The following AFF1 variants were observed in gnomAD, a reference collection of about 807,000 sequenced individuals.
AFF1 encodes ALF transcription elongation factor 1, also known as AF4/FMR2 family member 1.
In AFF1, 48 loss-of-function variants were observed where a neutral mutation model predicts 121.7. The observed-to-expected ratio is 0.39, with a 90% confidence interval of 0.31 to 0.50. The LOEUF is 0.50. AFF1 is among the 20% of genes least tolerant of loss of function. The pLI is 0.76. For synonymous variants in AFF1, 613 were observed against 563.0 expected, an observed-to-expected ratio of 1.09 and a Z score of -1.26; for missense variants, 1,523 against 1,511.7, an observed-to-expected ratio of 1.01 and a Z score of -0.12.
rs79575465 is a variant in AFF1, at chr4:87,118,927, T to C, written c.2466+3628T>C. ...CAGGAACACTGGTTCTTCTGGGGTTTATATGCCTTCTAGAGGTTTCCCATT... is the reference window on the plus strand; with the variant it reads ...CAGGAACACTGGTTCTTCTGGGGTTCATATGCCTTCTAGAGGTTTCCCATT... On this transcript the variant is annotated intron_variant, in intron 12 of 20. Coordinates refer to ENST00000395146, the MANE Select transcript of AFF1 (RefSeq NM_001166693.3). Among the ~76,000 whole-genome samples, 9 of 152,336 alleles carry C rather than the reference T, an allele frequency of 5.9e-5. No individual in the cohort carries two copies. The East Asian group carries it at 1.7e-3, about 29-fold the overall frequency.
chr4:87,134,661 G>C lies in AFF1; in HGVS notation c.3502G>C (p.Glu1168Gln). The C allele has an allele frequency of 6.2e-7, 1 of 1,614,088 alleles. No individual in the cohort carries two copies. Among genetic ancestry groups the C allele is most frequent in the Non-Finnish European group, 8.5e-7 (1 of 1,180,002 alleles). Residue 1168 changes from glutamate to glutamine, a missense_variant, in exon 20 of 21, where the codon GAA becomes CAA. Coordinates refer to ENST00000395146, the MANE Select transcript of AFF1 (RefSeq NM_001166693.3). The stretch of plus-strand genomic sequence containing the variant: ...TGTTCTTACCGCCTTTGACCTTTGG[G>C]AACAGGCCGAGGCCCTCACGAGGAA... ...SHVLTAFDLW[E>Q]QAEALTRKNK...
chr4:87,007,947 A>G (rs978143345), intron 2 of AFF1, among the ~76,000 whole-genome samples: 1 of 152,184 alleles, frequency 6.6e-6, no homozygotes, highest in Admixed American at 6.5e-5. Context: ...CTGAGTAGGC[A>G]AAGACCGGGA....
chr4:87,093,469 A>T (rs933049125), intron 7 of AFF1, among the ~76,000 whole-genome samples: 1 of 152,174 alleles, frequency 6.6e-6, no homozygotes, highest in African/African-American at 2.4e-5. Flanking sequence ...TCAACACTTG[A>T]TCTTATGGTA....
chr4:87,119,949 G>A (rs575859443), intron 12 of AFF1, among the ~76,000 whole-genome samples: 1 of 152,280 alleles, frequency 6.6e-6, no homozygotes, highest in South Asian at 2.1e-4. Flanking sequence ...AGATCTGACT[G>A]TCTTTTCTTG....
At chr4:86,985,844 A>AT (rs199875102) in intron 2 of AFF1, among the ~76,000 whole-genome samples, 6 of 145,136 alleles carry the variant, frequency 4.1e-5, no homozygotes, top group African/African-American at 7.4e-5. Flanking sequence ...TAAATGATAG[A>AT]GAAAAAGTTA....
chr4:87,134,501 A>G lies in AFF1; in HGVS notation c.3342A>G (p.Pro1114=). Residue 1114 remains proline (P), a synonymous_variant, in exon 20 of 21, where the codon CCA becomes CCG. Transcript: ENST00000395146. ...CAGGCACACCATCCCCTCTTTCCCC[A>G]ATGCCTTCTCCTGCCAGCTCCGTAG... ...RSTGTPSPLS[P]MPSPASSVGS... is the part of the protein sequence containing the mutation. 6.2e-7 allele frequency: 1 copy of G among 1,610,204 alleles called. No homozygotes were observed. Among genetic ancestry groups the G allele is most frequent in the African/African-American group, 1.3e-5 (1 of 74,938 alleles).
At chr4:86,936,570 G>A (rs577923691) in intron 1 of AFF1, 3 of 152,352 alleles carry the variant, frequency 2.0e-5, no homozygotes, top group African/African-American at 7.2e-5. Context: ...TTTGGACCCA[G>A]AGTCTAGTTT....
chr4:86,998,213 T>G (rs941744450), intron 2 of AFF1, among the ~76,000 whole-genome samples: 1 of 151,068 alleles, frequency 6.6e-6, no homozygotes, highest in Admixed American at 6.6e-5. Flanking sequence ...TCATGAGAGA[T>G]AGAAGTTTCT....
chr4:87,023,829 G>T (rs1339984243), intron 2 of AFF1, among the ~76,000 whole-genome samples: 3 of 152,228 alleles, frequency 2.0e-5, no homozygotes, highest in African/African-American at 7.2e-5. Flanking sequence ...ACTTGTGTTA[G>T]CTTTTAGCTT....
chr4:87,007,244 G>A, intron 2 of AFF1: 2 of 1,486,662 alleles, frequency 1.3e-6, no homozygotes, highest in South Asian at 1.4e-5. Context: ...GGGCTGCGCC[G>A]AGGACGCCCG....
intron 2 of AFF1, among the ~76,000 whole-genome samples, chr4:87,045,784 T>A (rs1283469675): frequency 1.3e-5 from 2 of 152,114 alleles, no homozygotes; most frequent in Non-Finnish European, 2.9e-5. Flanking sequence ...TCCTGCTGAC[T>A]CCTGCAGATG....
At chr4:86,998,817 A>G (rs536687500) in intron 2 of AFF1, among the ~76,000 whole-genome samples, 39 of 152,216 alleles carry the variant, frequency 2.6e-4, no homozygotes, top group Admixed American at 1.0e-3. Flanking sequence ...ATTCAGAAAT[A>G]AAGAGAAGTA....
At chr4:86,956,527 A>G (rs1721751308) in intron 2 of AFF1, among the ~76,000 whole-genome samples, 1 of 152,174 alleles carries the variant, frequency 6.6e-6, no homozygotes, top group South Asian at 2.1e-4. Context: ...GAGTTGTGCA[A>G]CCATTACTAC....
chr4:87,060,224 G>A (rs1720594536), intron 4 of AFF1, among the ~76,000 whole-genome samples: 1 of 152,124 alleles, frequency 6.6e-6, no homozygotes, highest in African/African-American at 2.4e-5. Flanking sequence ...CATAATTACT[G>A]TACTTTTCAG....
chr4:87,016,378 G>A (rs994955990), intron 2 of AFF1, among the ~76,000 whole-genome samples: 3 of 151,222 alleles, frequency 2.0e-5, no homozygotes, highest in African/African-American at 7.3e-5. Context: ...GTGAAACCCC[G>A]TCTCTACTGA....
intron 8 of AFF1, 24 bp downstream of exon 8, chr4:87,094,993 T>C (rs1427889864): frequency 6.2e-7 from 1 of 1,606,026 alleles, no homozygotes; most frequent in Non-Finnish European, 8.5e-7. Context: ...TTTTTGTGTA[T>C]TAAAATTTTG....
At position 87,137,758 on chromosome 4, in the gene AFF1, T is replaced by A. The variant is rs1729415107; in HGVS notation, c.*2057T>A. 3 of 232,300 alleles carry A rather than the reference T, an allele frequency of 1.3e-5. No individual in the cohort carries two copies. The highest frequency in any genetic ancestry group is 6.1e-5 in the East Asian group (1 of 16,480). The allele number at this position is 232,300 out of a possible 1,614,324, so 14.4% of individuals were successfully genotyped here. ...GACAAGGCACCAGAATCAGGCTTTA[T>A]TTCGATATTGAAGATGTTATTTAAC... On this transcript the variant is annotated 3_prime_UTR_variant, in exon 21 of 21. Coordinates refer to ENST00000395146, the MANE Select transcript of AFF1 (RefSeq NM_001166693.3).
At chr4:87,036,756 G>A (rs773217941) in intron 2 of AFF1, 1 of 506,800 alleles carries the variant, frequency 2.0e-6, no homozygotes, top group South Asian at 1.4e-5. Context: ...AGAAACATCA[G>A]CTACTGGTGT....
chr4:87,112,884 A>G (rs568231398), intron 11 of AFF1, among the ~76,000 whole-genome samples: 2 of 152,362 alleles, frequency 1.3e-5, no homozygotes, highest in East Asian at 3.9e-4. Context: ...ACAGCGATGT[A>G]TAGTCTTTAA....
Sources: gnomAD v4.1 joint callset for allele counts (sites outside exome capture counted in the v4.1 genomes callset) on GRCh38, gnomAD v4.1.1 for gene constraint, MANE v1.5 for transcripts, NCBI Gene and HGNC (gene_info 2026-07-23, HGNC 2026-07-21) for gene names.